The following RUNX2 variants were observed in gnomAD, a reference collection of about 807,000 sequenced individuals.
RUNX2 encodes runt-related transcription factor 2.
Under a neutral mutation model 51.7 loss-of-function variants are expected in RUNX2, and 10 were observed. The ratio of observed to expected loss-of-function variants is 0.19; its 90% CI spans 0.12 to 0.33. The LOEUF is 0.33. RUNX2 is among the 10% of genes least tolerant of loss of function. The pLI is 1.00. For missense variants in RUNX2, 562 were observed against 691.3 expected (o/e 0.81, Z 2.10); for synonymous variants, 276 against 273.6 (o/e 1.01, Z -0.09).
In RUNX2 at chr6:45,479,795, C is replaced by T. The variant is rs575143016; in HGVS notation, c.686-12146C>T. On this transcript the variant is annotated intron_variant, in intron 5 of 8. Coordinates refer to ENST00000647337, the MANE Select transcript of RUNX2 (RefSeq NM_001024630.4). ...GATGTTTTTTAATATTAACCCACAC[C>T]AACCTGCTTCCTTTGGCTTGAGAAT... Among the ~76,000 whole-genome samples, 3 of 152,246 alleles carry T rather than the reference C, an allele frequency of 2.0e-5. No individual in the cohort carries two copies. In the South Asian group the frequency reaches 6.2e-4, roughly 32 times the overall value.
chr6:45,531,121 C>G (rs1298180317), intron 7 of RUNX2, among the ~76,000 whole-genome samples: 1 of 152,172 alleles, frequency 6.6e-6, no homozygotes, highest in Non-Finnish European at 1.5e-5. Flanking sequence ...AGTGAAAACT[C>G]AATTCCAGGT....
intron 5 of RUNX2, among the ~76,000 whole-genome samples, chr6:45,456,449 A>G (rs537093064): frequency 1.3e-5 from 2 of 152,314 alleles, no homozygotes; most frequent in East Asian, 3.9e-4. Flanking sequence ...TTATTTTCTG[A>G]TATGGTTGCC....
intron 7 of RUNX2, among the ~76,000 whole-genome samples, chr6:45,517,698 G>A (rs781536479): frequency 6.6e-6 from 1 of 151,626 alleles, no homozygotes; most frequent in Non-Finnish European, 1.5e-5. Context: ...TATGACTTTC[G>A]GTGGCTAAAC....
In RUNX2 at chr6:45,443,998, G is replaced by A. The variant is rs149068012; in HGVS notation, c.685+5947G>A. Among the ~76,000 whole-genome samples the A allele has an allele frequency of 3.4e-3, 521 of 152,226 alleles. 5 individuals are homozygous for A. The highest frequency in any genetic ancestry group is 0.012 in the African/African-American group (499 of 41,532). On this transcript the variant is annotated intron_variant, in intron 5 of 8. Transcript: ENST00000647337. Reference sequence around the variant, plus strand: ...CCCAAATAGCTAGGATTACAGGTGTGTACCACCATGCCTGGCTAATTTTTA... The same window carrying A: ...CCCAAATAGCTAGGATTACAGGTGTATACCACCATGCCTGGCTAATTTTTA...
chr6:45,330,239 T>A (rs1352137382), intron 2 of RUNX2, among the ~76,000 whole-genome samples: 1 of 151,896 alleles, frequency 6.6e-6, no homozygotes, highest in Non-Finnish European at 1.5e-5. Flanking sequence ...GGGTACCAAG[T>A]ATTACTCTAA....
At chr6:45,531,795 G>A (rs1033927182) in intron 7 of RUNX2, among the ~76,000 whole-genome samples, 4 of 152,032 alleles carry the variant, frequency 2.6e-5, no homozygotes, top group African/African-American at 9.7e-5. Flanking sequence ...TATGTGGGGC[G>A]AGGAAATTTA....
At chr6:45,380,559 T>A (rs944055315) in intron 2 of RUNX2, among the ~76,000 whole-genome samples, 2 of 152,148 alleles carry the variant, frequency 1.3e-5, no homozygotes, top group African/African-American at 4.8e-5. Context: ...ATCTCTCTGA[T>A]TCCATGGAAG....
At chr6:45,401,171 C>G (rs955381252) in intron 2 of RUNX2, among the ~76,000 whole-genome samples, 1 of 152,154 alleles carries the variant, frequency 6.6e-6, no homozygotes, top group Non-Finnish European at 1.5e-5. Context: ...GGATTATCTT[C>G]CAGTGGGTAA....
At chr6:45,389,591 A>G (rs1283470418) in intron 2 of RUNX2, among the ~76,000 whole-genome samples, 1 of 152,266 alleles carries the variant, frequency 6.6e-6, no homozygotes, top group African/African-American at 2.4e-5. Context: ...TATTTGTACA[A>G]TAAGTAAATA....
intron 3 of RUNX2, among the ~76,000 whole-genome samples, chr6:45,428,237 G>C (rs1238730379): frequency 1.3e-5 from 2 of 152,084 alleles, no homozygotes; most frequent in African/African-American, 4.8e-5. Context: ...GATGAAATGT[G>C]TAAAAATTTC....
chr6:45,473,477 T>C (rs1345704058), intron 5 of RUNX2, among the ~76,000 whole-genome samples: 3 of 152,208 alleles, frequency 2.0e-5, no homozygotes, highest in Non-Finnish European at 4.4e-5. Context: ...AGAATTAACA[T>C]GTGGTACTCA....
chr6:45,422,847 A>G lies in RUNX2; in HGVS notation c.313A>G (p.Ile105Val). Residue 105 changes from isoleucine to valine, a missense_variant, in exon 3 of 9, where the codon ATC becomes GTC. Physicochemically the swap from Ile to Val is conservative, Grantham distance 29. This residue lies in a region of RUNX2 where 153 missense variants were observed against 144.8 expected (regional missense o/e 1.06). Transcript: ENST00000647337. ...CCACGACAACCGCACCATGGTGGAG[A>G]TCATCGCCGACCACCCGGCCGAACT... ...PPHDNRTMVEIIADHPAELVR... is the reference protein window; with the variant it reads ...PPHDNRTMVEVIADHPAELVR... The G allele has an allele frequency of 1.2e-6, 2 of 1,610,788 alleles. No individual in the cohort carries two copies. Among genetic ancestry groups the G allele is most frequent in the Non-Finnish European group, 1.7e-6 (2 of 1,179,300 alleles).
At chr6:45,542,313 A>G (rs1192109615) in intron 7 of RUNX2, among the ~76,000 whole-genome samples, 6 of 152,110 alleles carry the variant, frequency 3.9e-5, no homozygotes, top group African/African-American at 1.4e-4. Context: ...TGCTCCATGG[A>G]AATGTTATTA....
chr6:45,448,874 G>A (rs1330862799), intron 5 of RUNX2, among the ~76,000 whole-genome samples: 2 of 152,128 alleles, frequency 1.3e-5, no homozygotes, highest in Non-Finnish European at 2.9e-5. Context: ...GATGATGAAG[G>A]TACCAAATGC....
At chr6:45,362,044 T>A (rs1028804337) in intron 2 of RUNX2, among the ~76,000 whole-genome samples, 2 of 151,992 alleles carry the variant, frequency 1.3e-5, no homozygotes, top group Non-Finnish European at 1.5e-5. Flanking sequence ...CAAAGCTAGA[T>A]TCCTCTCAAA....
At chr6:45,474,533 T>G (rs1382121170) in intron 5 of RUNX2, among the ~76,000 whole-genome samples, 2 of 152,036 alleles carry the variant, frequency 1.3e-5, no homozygotes, top group African/African-American at 4.8e-5. Context: ...AAACCATCGA[T>G]GTTTGTTCAC....
At chr6:45,411,046 T>C (rs1563073881) in intron 2 of RUNX2, among the ~76,000 whole-genome samples, 1 of 152,028 alleles carries the variant, frequency 6.6e-6, no homozygotes, top group Non-Finnish European at 1.5e-5. Flanking sequence ...TGGAAGGGAG[T>C]TCAAAGGGAA....
chr6:45,404,480 C>A (rs184426450), intron 2 of RUNX2, among the ~76,000 whole-genome samples: 1 of 152,170 alleles, frequency 6.6e-6, no homozygotes, highest in Non-Finnish European at 1.5e-5. Context: ...TTTATTGAAA[C>A]GGCCAATGTG....
At chr6:45,487,702 G>C (rs1449541111) in intron 5 of RUNX2, among the ~76,000 whole-genome samples, 1 of 152,098 alleles carries the variant, frequency 6.6e-6, no homozygotes. Flanking sequence ...TTATCTAAAA[G>C]AGGAGAATAT....
Sources: gnomAD v4.1 joint callset for allele counts (sites outside exome capture counted in the v4.1 genomes callset) on GRCh38, gnomAD v4.1.1 for gene constraint, gnomAD v4.1.1 regional missense constraint, MANE v1.5 for transcripts, NCBI Gene and HGNC (gene_info 2026-07-23, HGNC 2026-07-21) for gene names.